CYP4X1: variants seen among roughly 807,000 people sequenced by gnomAD.
CYP4X1 encodes cytochrome P450 4X1.
A neutral mutation model predicts 57.9 loss-of-function variants in CYP4X1; 44 were observed. That is an observed-to-expected ratio of 0.76 (90% CI 0.60 to 0.98). The LOEUF (loss-of-function observed/expected upper bound fraction) is 0.98. Among genes scored for constraint, CYP4X1 ranks in the 50% least tolerant of loss-of-function variants. The pLI, the probability that CYP4X1 is intolerant of heterozygous loss-of-function variation, is 0.00. For missense variants in CYP4X1, 532 were observed against 623.9 expected (o/e 0.85, Z 1.57); for synonymous variants, 227 against 228.6 (o/e 0.99, Z 0.06).
At chr1:46,999,099 T>G in the CYP4X1 span, among the ~76,000 whole-genome samples, 1 of 151,298 alleles carries the variant, frequency 6.6e-6, no homozygotes, top group Admixed American at 6.6e-5. Flanking sequence ...GCTATTTGGC[T>G]TCTTTTTTCA....
At chr1:47,054,857 A>T (rs529973589), downstream of CYP4X1, among the ~76,000 whole-genome samples, 76 of 152,324 alleles carry the variant, frequency 5.0e-4, no homozygotes, top group African/African-American at 1.8e-3. Context: ...CAGTCATGTC[A>T]TCTGCAAACA....
chr1:47,017,478 G>A, the CYP4X1 span, among the ~76,000 whole-genome samples: 1 of 151,512 alleles, frequency 6.6e-6, no homozygotes, highest in Admixed American at 6.6e-5. Flanking sequence ...AGGGCAGGGG[G>A]TGGAGATGGG....
chr1:47,015,654 G>A, the CYP4X1 span, among the ~76,000 whole-genome samples: 2 of 152,162 alleles, frequency 1.3e-5, no homozygotes, highest in Non-Finnish European at 2.9e-5. Context: ...TCAGGAGGCT[G>A]AGGTGGGAGG....
the CYP4X1 span, chr1:46,967,605 G>C: frequency 6.1e-6 from 2 of 326,510 alleles, no homozygotes; most frequent in African/African-American, 4.4e-5. Flanking sequence ...CCGATAGAAA[G>C]CAGGATGTGG....
the CYP4X1 span, among the ~76,000 whole-genome samples, chr1:46,987,322 A>G: frequency 1.3e-5 from 2 of 152,248 alleles, no homozygotes; most frequent in African/African-American, 4.8e-5. Flanking sequence ...TCAATGCATT[A>G]AGAAGAGTTA....
At chr1:47,040,886 C>T (rs373719087) in intron 8 of CYP4X1, among the ~76,000 whole-genome samples, 1 of 152,068 alleles carries the variant, frequency 6.6e-6, no homozygotes, top group Non-Finnish European at 1.5e-5. Context: ...CAATGCATCT[C>T]CTAAACTTAT....
chr1:47,048,579 C>T lies in CYP4X1; in HGVS notation c.1222C>T (p.Leu408Phe). The T allele has an allele frequency of 6.2e-7, 1 of 1,614,070 alleles. No individual in the cohort carries two copies. The highest frequency in any genetic ancestry group is 8.5e-7 in the Non-Finnish European group (1 of 1,179,984). ...CTLPAGITVV[L>F]SIWGLHHNPA... Reference sequence around the variant, plus strand: ...TCCTTTCTTAGGGATCACCGTGGTTCTTAGTATTTGGGGTCTTCACCACAA... The same window carrying T: ...TCCTTTCTTAGGGATCACCGTGGTTTTTAGTATTTGGGGTCTTCACCACAA... Residue 408 changes from leucine to phenylalanine, a missense_variant, in exon 10 of 12, where the codon CTT becomes TTT. By Grantham distance (22) the Leu-to-Phe change is conservative. Coordinates refer to ENST00000371901, the MANE Select transcript of CYP4X1 (RefSeq NM_178033.2).
At chr1:47,047,848 C>G (rs1261509080) in intron 9 of CYP4X1, among the ~76,000 whole-genome samples, 1 of 152,136 alleles carries the variant, frequency 6.6e-6, no homozygotes, top group Admixed American at 6.6e-5. Flanking sequence ...CAGCCCTCCT[C>G]AGCCTCCCAA....
chr1:46,970,365 T>C, the CYP4X1 span, among the ~76,000 whole-genome samples: 6 of 152,258 alleles, frequency 3.9e-5, no homozygotes, highest in Admixed American at 3.9e-4. Flanking sequence ...CACCTTTCTT[T>C]AGTGCAAGAG....
At chr1:47,013,973 C>G in the CYP4X1 span, among the ~76,000 whole-genome samples, 254 of 152,046 alleles carry the variant, frequency 1.7e-3, 2 homozygotes, top group African/African-American at 5.9e-3. Flanking sequence ...TAGTGTTTCG[C>G]CAAGTTGGCC....
At chr1:46,981,115 A>G in the CYP4X1 span, among the ~76,000 whole-genome samples, 1 of 152,214 alleles carries the variant, frequency 6.6e-6, no homozygotes, top group South Asian at 2.1e-4. Context: ...TGGCAACAGA[A>G]GCCAAAATTG....
the CYP4X1 span, among the ~76,000 whole-genome samples, chr1:47,016,988 A>G: frequency 6.6e-6 from 1 of 152,202 alleles, no homozygotes; most frequent in Non-Finnish European, 1.5e-5. Flanking sequence ...TTCACTTAAC[A>G]TAATGACCTC....
the CYP4X1 span, among the ~76,000 whole-genome samples, chr1:46,986,314 C>T: frequency 2.0e-5 from 3 of 151,956 alleles, no homozygotes; most frequent in East Asian, 1.9e-4. Flanking sequence ...TGAAATAAAG[C>T]GTGAAGACAA....
chr1:47,018,338 G>A, the CYP4X1 span, among the ~76,000 whole-genome samples: 1,099 of 152,192 alleles, frequency 7.2e-3, 9 homozygotes, highest in African/African-American at 0.025. Flanking sequence ...TAAGAGTACT[G>A]GCTCTATCAG....
At chr1:46,983,568 G>A in the CYP4X1 span, among the ~76,000 whole-genome samples, 4 of 152,228 alleles carry the variant, frequency 2.6e-5, no homozygotes, top group Non-Finnish European at 5.9e-5. Context: ...GGGGCAGGGC[G>A]GCTGTGCTGG....
downstream of CYP4X1, among the ~76,000 whole-genome samples, chr1:47,051,452 TCAGA>T (rs539020516): frequency 1.7e-3 from 260 of 152,240 alleles, no homozygotes; most frequent in South Asian, 3.1e-3. Flanking sequence ...ATAATCTCTC[TCAGA>T]CAGAGTCATC....
chr1:46,998,320 C>T, the CYP4X1 span, among the ~76,000 whole-genome samples: 39 of 152,152 alleles, frequency 2.6e-4, no homozygotes, highest in South Asian at 7.7e-3. Context: ...GAACTACAGG[C>T]GTGCACCATC....
the CYP4X1 span, among the ~76,000 whole-genome samples, chr1:46,997,767 A>T: frequency 6.6e-6 from 1 of 152,146 alleles, no homozygotes; most frequent in Non-Finnish European, 1.5e-5. Context: ...TAGTTCTTTG[A>T]GAAATTTCTA....
intron 7 of CYP4X1, 38 bp downstream of exon 7, chr1:47,038,804 A>G (rs1644213687): frequency 6.4e-7 from 1 of 1,560,764 alleles, no homozygotes. Context: ...TCAAGTGACC[A>G]GTTAATTATG....
Sources: gnomAD v4.1 joint callset for allele counts (sites outside exome capture counted in the v4.1 genomes callset) on GRCh38, gnomAD v4.1.1 for gene constraint, MANE v1.5 for transcripts, NCBI Gene and HGNC (gene_info 2026-07-23, HGNC 2026-07-21) for gene names.